The following ACOXL variants were observed in gnomAD, a reference collection of about 807,000 sequenced individuals.
ACOXL encodes acyl-coenzyme A oxidase-like protein.
A neutral mutation model predicts 71.9 loss-of-function variants in ACOXL; 70 were observed. That is an observed-to-expected ratio of 0.97 (90% confidence interval 0.80 to 1.19). ACOXL has a LOEUF of 1.19. Among genes scored for constraint, ACOXL ranks in the 50% most tolerant of loss-of-function variants. The probability of loss-of-function intolerance (pLI) is 0.00; values close to 1 mark genes in which losing one functional copy is unlikely to be tolerated. For missense variants in ACOXL, 703 were observed against 736.3 expected, an observed-to-expected ratio of 0.95 and a Z score of 0.52; for synonymous variants, 253 against 281.6, an observed-to-expected ratio of 0.90 and a Z score of 1.02.
intron 15 of ACOXL, among the ~76,000 whole-genome samples, chr2:111,045,674 TGA>T (rs2065983874): frequency 6.6e-6 from 1 of 152,064 alleles, no homozygotes; most frequent in African/African-American, 2.4e-5. Context: ...TTGGTAGAAA[TGA>T]GAGTGGGGTG....
At chr2:110,812,825 G>C (rs1466080752) in intron 9 of ACOXL, among the ~76,000 whole-genome samples, 1 of 152,218 alleles carries the variant, frequency 6.6e-6, no homozygotes, top group East Asian at 1.9e-4. Flanking sequence ...CGTGCTAGGA[G>C]GTGACAGAGA....
At chr2:110,798,801 C>A in intron 6 of ACOXL, 77 bp downstream of exon 6, 1 of 1,348,460 alleles carries the variant, frequency 7.4e-7, no homozygotes, top group Non-Finnish European at 1.1e-6. Context: ...TTTCACAGAG[C>A]TGCTTTTATC....
At chr2:110,982,421 C>G (rs1308471989) in intron 12 of ACOXL, among the ~76,000 whole-genome samples, 1 of 152,130 alleles carries the variant, frequency 6.6e-6, no homozygotes, top group Non-Finnish European at 1.5e-5. Flanking sequence ...CCCTCCCCTC[C>G]TCTTCCCTCC....
chr2:110,962,995 T>C (rs544927782), intron 12 of ACOXL, among the ~76,000 whole-genome samples: 325 of 152,350 alleles, frequency 2.1e-3, no homozygotes, highest in Non-Finnish European at 3.3e-3. Flanking sequence ...CATGTTTTAC[T>C]TGGGGCCAAA....
chr2:111,009,057 G>A (rs2064010270), intron 14 of ACOXL, among the ~76,000 whole-genome samples: 1 of 152,078 alleles, frequency 6.6e-6, no homozygotes, highest in South Asian at 2.1e-4. Context: ...CTTTGTTCAT[G>A]TTTGCCGTGC....
intron 10 of ACOXL, among the ~76,000 whole-genome samples, chr2:110,860,824 C>T (rs1395128906): frequency 6.6e-6 from 1 of 152,234 alleles, no homozygotes; most frequent in Non-Finnish European, 1.5e-5. Context: ...CCGGGCTTAT[C>T]TGCATCTGGG....
chr2:111,035,016 C>T (rs187286630), intron 15 of ACOXL, among the ~76,000 whole-genome samples: 162 of 151,952 alleles, frequency 1.1e-3, no homozygotes, highest in African/African-American at 3.6e-3. Context: ...TACAGGTGCC[C>T]GCCACCACAC....
At chr2:111,078,788 C>G (rs2067740586) in intron 16 of ACOXL, among the ~76,000 whole-genome samples, 1 of 152,124 alleles carries the variant, frequency 6.6e-6, no homozygotes, top group Non-Finnish European at 1.5e-5. Flanking sequence ...ATTTCCTAGA[C>G]CTTTTGAATA....
At chr2:110,922,520 AAG>A (rs2060117608) in intron 11 of ACOXL, among the ~76,000 whole-genome samples, 1 of 152,234 alleles carries the variant, frequency 6.6e-6, no homozygotes, top group South Asian at 2.1e-4. Context: ...CTACATAAGA[AAG>A]AGCTGCTATA....
intron 3 of ACOXL, 49 bp downstream of exon 3, chr2:110,784,864 A>G: frequency 6.6e-7 from 1 of 1,524,544 alleles, no homozygotes; most frequent in East Asian, 2.4e-5. Context: ...CTCGCTTTGC[A>G]TGCCAAGGAA....
intron 12 of ACOXL, among the ~76,000 whole-genome samples, chr2:110,935,568 G>A (rs891599850): frequency 3.3e-5 from 5 of 152,164 alleles, no homozygotes; most frequent in African/African-American, 1.2e-4. Context: ...ACCCCACCCT[G>A]TTAGAGAAGA....
chr2:110,820,615 G>A (rs767446688), intron 9 of ACOXL, among the ~76,000 whole-genome samples: 7 of 152,160 alleles, frequency 4.6e-5, no homozygotes, highest in Admixed American at 6.5e-5. Flanking sequence ...CACTGAGAGC[G>A]ATAGACTGAG....
chr2:110,976,031 A>G (rs2062427959), intron 12 of ACOXL, among the ~76,000 whole-genome samples: 1 of 152,240 alleles, frequency 6.6e-6, no homozygotes, highest in African/African-American at 2.4e-5. Context: ...TTCTTGAGAT[A>G]TGAAGAAAGG....
intron 10 of ACOXL, among the ~76,000 whole-genome samples, chr2:110,877,205 T>C (rs1332966708): frequency 1.3e-5 from 2 of 152,248 alleles, no homozygotes; most frequent in East Asian, 3.9e-4. Flanking sequence ...TCCTGCCGTC[T>C]TTGAGGCGGC....
intron 16 of ACOXL, among the ~76,000 whole-genome samples, chr2:111,054,970 C>G (rs2066462349): frequency 6.6e-6 from 1 of 152,172 alleles, no homozygotes; most frequent in Admixed American, 6.5e-5. Flanking sequence ...CACTGCTTCA[C>G]CTCCCCACAG....
chr2:110,924,191 C>A (rs186571966), intron 11 of ACOXL, among the ~76,000 whole-genome samples: 1 of 152,328 alleles, frequency 6.6e-6, no homozygotes, highest in East Asian at 1.9e-4. Context: ...TAATGAGCAT[C>A]TAAGCCTTCA....
Position 111,030,194 on chromosome 2 carries a change from T to G in ACOXL, c.1282-1433T>G, listed in dbSNP as rs1014160719. Among the ~76,000 whole-genome samples the G allele has an allele frequency of 3.3e-5, 5 of 152,306 alleles. 1 individual carries two copies. The highest frequency in any genetic ancestry group is 4.2e-4 in the South Asian group (2 of 4,818). On this transcript the variant is annotated intron_variant, in intron 14 of 17. Transcript: ENST00000439055. Reference sequence around the variant, plus strand: ...CCATATTAACTGGGATTTCCTGGTGTTGTCCTTTACAGTGGAATGGGTAGA... The same window carrying G: ...CCATATTAACTGGGATTTCCTGGTGGTGTCCTTTACAGTGGAATGGGTAGA...
chr2:110,846,641 G>GCGCGCGCGCACACACA lies in ACOXL; in HGVS notation c.788+5237_788+5238insGCGCGCGCACACACAC, dbSNP rs148602789. ...TGTGAGCATGCAAGTATGCATACACGCACACACACACACACACACACACAC... is the reference window on the plus strand; with the variant it reads ...TGTGAGCATGCAAGTATGCATACACGCGCGCGCGCACACACACACACACACACACACACACACACAC... On this transcript the variant is annotated intron_variant, in intron 10 of 17. Transcript: ENST00000439055. Among the ~76,000 whole-genome samples the GCGCGCGCGCACACACA allele has an allele frequency of 5.8e-5, 8 of 138,034 alleles. No homozygotes were observed. The South Asian group carries it at 2.1e-3, about 36-fold the overall frequency. The allele number at this position is 138,034 out of a possible 152,430, so 90.6% of individuals were successfully genotyped here. A position where few individuals can be genotyped will look rare whatever the true frequency, so the allele number is the denominator to read the frequency against.
intron 10 of ACOXL, among the ~76,000 whole-genome samples, chr2:110,868,437 G>A (rs1394756717): frequency 6.6e-6 from 1 of 152,140 alleles, no homozygotes; most frequent in Non-Finnish European, 1.5e-5. Flanking sequence ...GTGCATGTGA[G>A]CAATTGATTC....
Sources: gnomAD v4.1 joint callset for allele counts (sites outside exome capture counted in the v4.1 genomes callset) on GRCh38, gnomAD v4.1.1 for gene constraint, MANE v1.5 for transcripts, NCBI Gene and HGNC (gene_info 2026-07-23, HGNC 2026-07-21) for gene names.